Variants in GRM1 observed in about 807,000 individuals in gnomAD.
GRM1 encodes the protein glutamate metabotropic receptor 1.
In GRM1, 33 loss-of-function variants were observed where a neutral mutation model predicts 90.9. The observed-to-expected ratio is 0.36, with a 90% confidence interval of 0.28 to 0.49. GRM1 has a LOEUF of 0.49. Among genes scored for constraint, GRM1 ranks in the 20% least tolerant of loss-of-function variants. GRM1 has a pLI of 0.99. For synonymous variants in GRM1, 700 were observed against 613.2 expected (o/e 1.14, Z -2.09); for missense variants, 1,190 against 1,534.3 (o/e 0.78, Z 3.75).
chr6:146,221,095 T>A (rs1329158240), intron 2 of GRM1, among the ~76,000 whole-genome samples: 1 of 152,182 alleles, frequency 6.6e-6, no homozygotes, highest in African/African-American at 2.4e-5. Flanking sequence ...CAGCTCCACT[T>A]GAGTAGGAAT....
intron 2 of GRM1, among the ~76,000 whole-genome samples, chr6:146,300,129 A>T (rs1783320694): frequency 6.6e-6 from 1 of 152,198 alleles, no homozygotes; most frequent in Non-Finnish European, 1.5e-5. Flanking sequence ...GGAATATTTT[A>T]AAGAATTATA....
upstream of GRM1, among the ~76,000 whole-genome samples, chr6:146,028,375 G>A (rs1344608390): frequency 1.3e-5 from 2 of 151,902 alleles, no homozygotes; most frequent in African/African-American, 4.8e-5. Context: ...CCCTGCCAGG[G>A]AATGTCTGGC....
chr6:146,162,200 C>T (rs917072122), intron 2 of GRM1, among the ~76,000 whole-genome samples: 1 of 152,116 alleles, frequency 6.6e-6, no homozygotes, highest in South Asian at 2.1e-4. Context: ...TCGTAACACA[C>T]GGTATGATTC....
At chr6:146,339,635 A>T (rs1036998428) in intron 3 of GRM1, among the ~76,000 whole-genome samples, 1 of 152,210 alleles carries the variant, frequency 6.6e-6, no homozygotes, top group Non-Finnish European at 1.5e-5. Flanking sequence ...GTCATTCACT[A>T]TAAGAATAAT....
chr6:146,395,270 T>C (rs1227405532), intron 6 of GRM1, among the ~76,000 whole-genome samples: 2 of 152,090 alleles, frequency 1.3e-5, no homozygotes, highest in East Asian at 1.9e-4. Context: ...TTTCCTCATT[T>C]GATTCAACTA....
At position 146,352,491 on chromosome 6, in the gene GRM1, T is replaced by G; in HGVS notation, c.1428T>G (p.Pro476=). The change falls in exon 4 of 8, where the codon CCT becomes CCG. Residue 476 remains proline, a synonymous_variant. Coordinates refer to ENST00000282753, the MANE Select transcript of GRM1 (RefSeq NM_001278064.2). ...EVWFDEKGDA[P]GRYDIMNLQY... ...GGTTTGATGAGAAAGGAGACGCTCC[T>G]GGAAGGTAATCTTTTCAGTAATCAA... 6.2e-7 allele frequency: 1 copy of G among 1,613,750 alleles called. No individual in the cohort carries two copies. Among genetic ancestry groups the G allele is most frequent in the African/African-American group, 1.3e-5 (1 of 75,044 alleles).
intron 5 of GRM1, among the ~76,000 whole-genome samples, chr6:146,367,318 T>C (rs887002241): frequency 6.6e-6 from 1 of 152,208 alleles, no homozygotes; most frequent in African/African-American, 2.4e-5. Context: ...GTAGTGTATG[T>C]TGAAGTCAGA....
intron 3 of GRM1, among the ~76,000 whole-genome samples, chr6:146,319,148 A>C (rs1784080210): frequency 6.6e-6 from 1 of 152,128 alleles, no homozygotes; most frequent in South Asian, 2.1e-4. Context: ...AGAGTCTTTA[A>C]TCCATCTTGA....
chr6:146,339,412 A>AG lies in GRM1; in HGVS notation c.1187-12838_1187-12837insG, dbSNP rs577109858. The stretch of plus-strand genomic sequence containing the variant: ...CCTTTCATTTTTTCCATTTATACAC[A>AG]CTCATTTTATTTCCACAGACATTAA... On this transcript the variant is annotated intron_variant, in intron 3 of 7. Transcript: ENST00000282753. Among the ~76,000 whole-genome samples, 737 of 152,108 alleles carry AG rather than the reference A, an allele frequency of 4.8e-3. 4 individuals carry two copies. Among genetic ancestry groups the AG allele is most frequent in the African/African-American group, 0.017 (707 of 41,480 alleles).
rs137895153 is a variant in GRM1 at position 146,125,651 on chromosome 6, C to T, written c.701-33697C>T. Among the ~76,000 whole-genome samples the T allele has an allele frequency of 9.7e-4, 147 of 152,154 alleles. 2 individuals are homozygous for T. In the East Asian group the frequency reaches 0.015, roughly 16 times the overall value. On this transcript the variant is annotated intron_variant, in intron 1 of 7. Transcript: ENST00000282753. ...GCTAAGGTAATCATTTTGCGTTTAT[C>T]ACATTTAGTAGCACTTTAAGCATCT...
At chr6:146,238,911 G>T (rs944943083) in intron 2 of GRM1, among the ~76,000 whole-genome samples, 2 of 152,070 alleles carry the variant, frequency 1.3e-5, no homozygotes, top group African/African-American at 4.8e-5. Flanking sequence ...TAAAAAATAT[G>T]CCCAATAAGT....
chr6:146,033,932 T>A (rs1464923573), intron 1 of GRM1, among the ~76,000 whole-genome samples: 1 of 152,118 alleles, frequency 6.6e-6, no homozygotes. Context: ...ACCAGTAACT[T>A]TCTATATATC....
intron 2 of GRM1, among the ~76,000 whole-genome samples, chr6:146,174,398 A>C (rs1219392626): frequency 6.6e-6 from 1 of 152,188 alleles, no homozygotes; most frequent in Non-Finnish European, 1.5e-5. Flanking sequence ...CACATTATAT[A>C]GTTCTTAAAT....
intron 2 of GRM1, among the ~76,000 whole-genome samples, chr6:146,286,488 A>G (rs943783759): frequency 6.6e-6 from 1 of 152,194 alleles, no homozygotes; most frequent in African/African-American, 2.4e-5. Flanking sequence ...ATCTCTATAA[A>G]CTAAATCAAG....
chr6:146,244,562 A>G (rs374017216), intron 2 of GRM1, among the ~76,000 whole-genome samples: 4 of 152,304 alleles, frequency 2.6e-5, no homozygotes, highest in African/African-American at 7.2e-5. Flanking sequence ...TTGTTCAATC[A>G]GTTGGCAACA....
intron 7 of GRM1, among the ~76,000 whole-genome samples, chr6:146,423,648 C>A (rs1384683759): frequency 6.6e-6 from 1 of 152,118 alleles, no homozygotes; most frequent in African/African-American, 2.4e-5. Flanking sequence ...ACAGAGCTTC[C>A]TGTCCAATTT....
intron 2 of GRM1, among the ~76,000 whole-genome samples, chr6:146,280,197 T>C (rs970700399): frequency 6.6e-6 from 1 of 152,132 alleles, no homozygotes; most frequent in East Asian, 1.9e-4. Flanking sequence ...CTGGTGTGTC[T>C]AGTGCTGTGA....
intron 3 of GRM1, among the ~76,000 whole-genome samples, chr6:146,327,355 G>A (rs912438114): frequency 2.0e-5 from 3 of 152,118 alleles, no homozygotes; most frequent in Admixed American, 6.6e-5. Flanking sequence ...TCTGTCTCTA[G>A]AGGTGGGCAA....
chr6:146,369,251 C>G (rs780543450), intron 5 of GRM1, among the ~76,000 whole-genome samples: 10 of 151,654 alleles, frequency 6.6e-5, no homozygotes, highest in Non-Finnish European at 1.5e-4. Flanking sequence ...CTAGTTAAAG[C>G]TGTGTCCACT....
Sources: gnomAD v4.1 joint callset for allele counts (sites outside exome capture counted in the v4.1 genomes callset) on GRCh38, gnomAD v4.1.1 for gene constraint, MANE v1.5 for transcripts, NCBI Gene and HGNC (gene_info 2026-07-23, HGNC 2026-07-21) for gene names.